The following CFAP46 variants were observed in gnomAD, a reference collection of about 807,000 sequenced individuals.
The protein encoded by CFAP46 is cilia and flagella associated protein 46, also known as cilia- and flagella-associated protein 46.
CFAP46 carries 245 observed loss-of-function variants against 325.7 expected under a neutral mutation model. The observed-to-expected ratio is 0.75, with a 90% CI of 0.68 to 0.84. The LOEUF (loss-of-function observed/expected upper bound fraction) is 0.84, where lower values mean the gene tolerates loss of function less well. Ranked by LOEUF, CFAP46 falls within the 40% of genes least tolerant of loss-of-function variation. The probability of loss-of-function intolerance (pLI) is 0.00; values close to 1 mark genes in which losing one functional copy is unlikely to be tolerated. For synonymous variants in CFAP46, 1,523 were observed against 1,495.9 expected (o/e 1.02, Z -0.42); for missense variants, 3,346 against 3,543.0 (o/e 0.94, Z 1.41).
At position 132,811,036 on chromosome 10, in the gene CFAP46, C is replaced by G; in HGVS notation, c.7502-5G>C. ...GCAGGACTGCCACCTGGCACTCTGCCGGGACGGGAAGGGCAGCTCAGCAGC... is the reference window on the plus strand; with the variant it reads ...GCAGGACTGCCACCTGGCACTCTGCGGGGACGGGAAGGGCAGCTCAGCAGC... On this transcript the variant is annotated splice_polypyrimidine_tract_variant and splice_region_variant and intron_variant, in intron 55 of 57. Coordinates refer to ENST00000368586, the MANE Select transcript of CFAP46 (RefSeq NM_001200049.3). 1 of 1,584,522 alleles carries G rather than the reference C, an allele frequency of 6.3e-7. No homozygotes were observed.
rs1381880738 is a variant in CFAP46, at chr10:132,884,361, T to C, written c.3627+742A>G. Among the ~76,000 whole-genome samples, 1 of 152,130 alleles carries C rather than the reference T, an allele frequency of 6.6e-6. No individual in the cohort carries two copies. The highest frequency in any genetic ancestry group is 2.4e-5 in the African/African-American group (1 of 41,424). ...ACCCCCAACCATCCTCAGTTCCCGA[T>C]GCCAAGGGCCCCCTGGACCCCAGAA... On this transcript the variant is annotated intron_variant, in intron 27 of 57. Coordinates refer to ENST00000368586, the MANE Select transcript of CFAP46 (RefSeq NM_001200049.3). The surrounding 1 kb of genome is among the most constrained non-coding windows in gnomAD (Gnocchi z 5.4).
chr10:132,925,320 C>G (rs1223396479), intron 10 of CFAP46, among the ~76,000 whole-genome samples: 3 of 152,256 alleles, frequency 2.0e-5, no homozygotes, highest in African/African-American at 7.2e-5. Flanking sequence ...ACAAGCCCTG[C>G]TGGACCGCCC....
At position 132,861,012 on chromosome 10, in the gene CFAP46, G is replaced by A. The variant is rs372780573; in HGVS notation, c.4891-30C>T. ...AGGAGAGAAACTCAGACATGCTTGGGTTCCTCTACAGATGTGTGCAGGCAG... is the reference window on the plus strand; with the variant it reads ...AGGAGAGAAACTCAGACATGCTTGGATTCCTCTACAGATGTGTGCAGGCAG... On this transcript the variant is annotated intron_variant, in intron 35 of 57. Transcript: ENST00000368586. 69 of 1,547,466 alleles carry A rather than the reference G, an allele frequency of 4.5e-5. No individual in the cohort carries two copies. The East Asian group carries it at 6.1e-4, about 14-fold the overall frequency.
rs774975507 is a variant in CFAP46 at position 132,913,241 on chromosome 10, A to G, written c.2138T>C (p.Leu713Pro). 9.6e-5 allele frequency: 149 copies of G among 1,550,208 alleles called. 1 individual carries two copies. The highest frequency in any genetic ancestry group is 1.2e-4 in the Non-Finnish European group (140 of 1,146,882). The change falls in exon 18 of 58, where the codon CTG (leucine) becomes CCG (proline). Residue 713 changes from leucine (L) to proline (P), a missense_variant. Transcript: ENST00000368586. Reference protein sequence around the residue: ...WITYRTWIESLSRCAMNNWLR... With the variant: ...WITYRTWIESPSRCAMNNWLR... ...CCAGTTATTCATGGCACACCGGGAC[A>G]GACTCTCGATCCAGGTTCTGCAAAA...
intron 55 of CFAP46, among the ~76,000 whole-genome samples, chr10:132,812,186 G>T (rs1323522863): frequency 6.6e-6 from 1 of 152,210 alleles, no homozygotes; most frequent in African/African-American, 2.4e-5. Context: ...CTTGGGCCGT[G>T]GCGTGTGACA....
intron 50 of CFAP46, among the ~76,000 whole-genome samples, chr10:132,821,805 T>G (rs1485701149): frequency 6.9e-6 from 1 of 145,110 alleles, no homozygotes; most frequent in South Asian, 2.2e-4. Context: ...GTGTGTTGTG[T>G]GAGTGCTGAT....
rs754818356 is a variant in CFAP46 at position 132,941,598 on chromosome 10, T to G, written c.299A>C (p.Glu100Ala). ...GCACAGGACGCCTCTCACCAGGTTT[T>G]CTGCCGACTTCGGGGCACACATCTG... is the stretch of plus-strand genomic sequence containing the variant. ...RAQMCAPKSA[E>A]NLEEFENCVT... The change falls in exon 3 of 58, where the codon GAA becomes GCA. Residue 100 changes from glutamate to alanine, a missense_variant. Physicochemically the swap from Glu to Ala is moderately radical, Grantham distance 107 (BLOSUM62 -1). Coordinates refer to ENST00000368586, the MANE Select transcript of CFAP46 (RefSeq NM_001200049.3). 7.8e-5 allele frequency: 126 copies of G among 1,612,634 alleles called. No individual in the cohort carries two copies. Among genetic ancestry groups the G allele is most frequent in the Non-Finnish European group, 1.0e-4 (119 of 1,179,248 alleles).
At position 132,922,076 on chromosome 10, in the gene CFAP46, G is replaced by A. The variant is rs191848383; in HGVS notation, c.1606+28C>T. 1,875 of 1,546,864 alleles carry A rather than the reference G, an allele frequency of 1.2e-3. 22 individuals are homozygous for A. In the African/African-American group the frequency reaches 0.023, roughly 19 times the overall value. On this transcript the variant is annotated intron_variant, in intron 13 of 57. Coordinates refer to ENST00000368586, the MANE Select transcript of CFAP46 (RefSeq NM_001200049.3). The stretch of plus-strand genomic sequence containing the variant: ...AGCCATTCCAAGGTGGACCGTTCTG[G>A]GCTGGGAGAGCCCAGTGCAGAGCTC...
chr10:132,902,430 A>G lies in CFAP46; in HGVS notation c.2925-2764T>C, dbSNP rs1032319181. ...TCCAGCCTGATGATAACACTCTTCC[A>G]GTGGCGTTTGCATTTCAGACACTTT... is the stretch of plus-strand genomic sequence containing the variant. On this transcript the variant is annotated intron_variant, in intron 22 of 57. Coordinates refer to ENST00000368586, the MANE Select transcript of CFAP46 (RefSeq NM_001200049.3). Among the ~76,000 whole-genome samples, 6 of 152,344 alleles carry G rather than the reference A, an allele frequency of 3.9e-5. 1 individual carries two copies. Among genetic ancestry groups the G allele is most frequent in the African/African-American group, 2.4e-5 (1 of 41,566 alleles).
At chr10:132,910,431 G>A (rs879269019) in intron 19 of CFAP46, among the ~76,000 whole-genome samples, 2 of 152,266 alleles carry the variant, frequency 1.3e-5, no homozygotes, top group South Asian at 2.1e-4. Flanking sequence ...CGAAAGTGGG[G>A]GCGTGAAATC....
intron 44 of CFAP46, among the ~76,000 whole-genome samples, chr10:132,842,724 G>A (rs1356945286): frequency 1.3e-5 from 2 of 152,224 alleles, no homozygotes; most frequent in Non-Finnish European, 2.9e-5. Flanking sequence ...AGGCTGAGAA[G>A]TCCAAGGTCA....
chr10:132,847,157 C>T lies in CFAP46; in HGVS notation c.6087+30G>A, dbSNP rs781504932. The T allele has an allele frequency of 1.9e-6, 3 of 1,608,740 alleles. No individual in the cohort carries two copies. Among genetic ancestry groups the T allele is most frequent in the South Asian group, 2.2e-5 (2 of 90,762 alleles). Reference sequence around the variant, plus strand: ...GCTCAGGCCAGGCTCCGGGCAGAGGCCACACGAGGGGCAGGAGGGGCAGCC... The same window carrying T: ...GCTCAGGCCAGGCTCCGGGCAGAGGTCACACGAGGGGCAGGAGGGGCAGCC... On this transcript the variant is annotated intron_variant, in intron 42 of 57. Coordinates refer to ENST00000368586, the MANE Select transcript of CFAP46 (RefSeq NM_001200049.3). The surrounding 1 kb of genome is among the most constrained non-coding windows in gnomAD (Gnocchi z 5.2).
chr10:132,920,016 C>A, intron 14 of CFAP46, 43 bp downstream of exon 14: 2 of 1,467,416 alleles, frequency 1.4e-6, no homozygotes, highest in Non-Finnish European at 1.8e-6. Flanking sequence ...GAGCGACCCC[C>A]GGGCTGAGCT....
chr10:132,884,120 G>A lies in CFAP46; in HGVS notation c.3627+983C>T, dbSNP rs1849086672. ...GTCCTGCCTTCCCCAGCCGCCCGCA[G>A]CCTCCCCTCCTCAGGCCCTTCCTGC... On this transcript the variant is annotated intron_variant, in intron 27 of 57. Transcript: ENST00000368586. This position sits in a 1 kb window ranked among gnomAD's most constrained non-coding sequence, Gnocchi z 5.4. Among the ~76,000 whole-genome samples, 1 of 152,214 alleles carries A rather than the reference G, an allele frequency of 6.6e-6. No individual in the cohort carries two copies. The highest frequency in any genetic ancestry group is 2.4e-5 in the African/African-American group (1 of 41,454).
At chr10:132,865,931 C>T (rs1048828902) in intron 35 of CFAP46, 94 bp downstream of exon 35, 16 of 1,254,122 alleles carry the variant, frequency 1.3e-5, no homozygotes, top group African/African-American at 9.3e-5. Context: ...TAGAGCTGAA[C>T]GCTACAGCCC....
intron 28 of CFAP46, among the ~76,000 whole-genome samples, chr10:132,880,580 A>G (rs1403476607): frequency 6.6e-6 from 1 of 152,178 alleles, no homozygotes; most frequent in Non-Finnish European, 1.5e-5. Context: ...CCTGACCTGG[A>G]TGGAACCTTT....
At position 132,857,732 on chromosome 10, in the gene CFAP46, G is replaced by A. The variant is rs778544982; in HGVS notation, c.5432C>T (p.Ala1811Val). 14 of 1,605,940 alleles carry A rather than the reference G, an allele frequency of 8.7e-6. No homozygotes were observed. Among genetic ancestry groups the A allele is most frequent in the South Asian group, 4.5e-5 (4 of 89,704 alleles). ...EEQKTAYYLE[A>V]YGLAQGAVAE... Reference sequence around the variant, plus strand: ...TACGGCACCCTGGGCCAGGCCATACGCTTCCAAGTAATACGCAGTTTTTTG... The same window carrying A: ...TACGGCACCCTGGGCCAGGCCATACACTTCCAAGTAATACGCAGTTTTTTG... The change falls in exon 39 of 58, where the codon GCG (alanine) becomes GTG (valine). Residue 1811 changes from alanine (A) to valine (V), a missense_variant. Physicochemically the swap from Ala to Val is moderately conservative, Grantham distance 64. Coordinates refer to ENST00000368586, the MANE Select transcript of CFAP46 (RefSeq NM_001200049.3).
At chr10:132,863,346 G>A (rs1051710556) in intron 35 of CFAP46, among the ~76,000 whole-genome samples, 4 of 152,210 alleles carry the variant, frequency 2.6e-5, no homozygotes, top group South Asian at 2.1e-4. Context: ...CCAGCCCTGC[G>A]GCCCCAGCAG....
intron 44 of CFAP46, among the ~76,000 whole-genome samples, chr10:132,842,854 A>T (rs186153883): frequency 1.4e-4 from 22 of 152,238 alleles, no homozygotes; most frequent in African/African-American, 5.1e-4. Context: ...CTTCTCATAC[A>T]GCCATCAGCC....
Sources: allele counts gnomAD v4.1 joint callset (sites outside exome capture counted in the v4.1 genomes callset), GRCh38; gene constraint gnomAD v4.1.1; non-coding constraint Gnocchi (gnomAD v3.1); transcripts MANE v1.5; gene names NCBI Gene and HGNC (gene_info 2026-07-23, HGNC 2026-07-21).